The following ADGRB2 variants were observed in gnomAD, a reference collection of about 807,000 sequenced individuals.
The protein encoded by ADGRB2 is adhesion G protein-coupled receptor B2, also known as brain-specific angiogenesis inhibitor 2.
In ADGRB2, 47 loss-of-function variants were observed where a neutral mutation model predicts 178.7. The ratio of observed to expected loss-of-function variants is 0.26; its 90% CI spans 0.21 to 0.34. The LOEUF (loss-of-function observed/expected upper bound fraction) is 0.34, where lower values mean the gene tolerates loss of function less well. ADGRB2 is among the 10% of genes least tolerant of loss of function. The probability of loss-of-function intolerance (pLI) is 1.00; values close to 1 mark genes in which losing one functional copy is unlikely to be tolerated. For synonymous variants in ADGRB2, 870 were observed against 912.4 expected (o/e 0.95, Z 0.84); for missense variants, 1,584 against 2,180.8 (o/e 0.73, Z 5.45).
chr1:31,744,636 G>T lies in ADGRB2; in HGVS notation c.922+12C>A. ...CCCCCGCCGCAGAGGAAGGGAGGCG[G>T]GCCCGAGTTACCTGTCTGCGCCATG... is the stretch of plus-strand genomic sequence containing the variant. On this transcript the variant is annotated intron_variant, in intron 5 of 32. Coordinates refer to ENST00000373658, the MANE Select transcript of ADGRB2 (RefSeq NM_001364857.2). This position sits in a 1 kb window ranked among gnomAD's most constrained non-coding sequence, Gnocchi z 6.7. 1 of 1,613,738 alleles carries T rather than the reference G, an allele frequency of 6.2e-7. No individual in the cohort carries two copies. The highest frequency in any genetic ancestry group is 8.5e-7 in the Non-Finnish European group (1 of 1,179,840).
At position 31,761,864 on chromosome 1, in the gene ADGRB2, G is replaced by C. The variant is rs1203355307; in HGVS notation, c.-191+2020C>G. ...CCCCTATCAATATTGAGCATTGCTA[G>C]GTGCCAGACACTCTATACAAACAAC... On this transcript the variant is annotated intron_variant, in intron 1 of 32. Transcript: ENST00000373658. The surrounding 1 kb of genome is among the most constrained non-coding windows in gnomAD (Gnocchi z 4.2). 6.6e-6 allele frequency among the ~76,000 whole-genome samples: 1 copy of C among 152,072 alleles called. No individual in the cohort carries two copies. Among genetic ancestry groups the C allele is most frequent in the Non-Finnish European group, 1.5e-5 (1 of 68,000 alleles).
rs1156692527 is a variant in ADGRB2 at position 31,759,288 on chromosome 1, G to A, written c.-190-1777C>T. ...AGGCTTACACTTGTACACATGCACAGAGGTGCACACGCATTCTCGACTGAG... is the reference window on the plus strand; with the variant it reads ...AGGCTTACACTTGTACACATGCACAAAGGTGCACACGCATTCTCGACTGAG... On this transcript the variant is annotated intron_variant, in intron 1 of 32. Transcript: ENST00000373658. This position sits in a 1 kb window ranked among gnomAD's most constrained non-coding sequence, Gnocchi z 4.3. The A allele has an allele frequency of 1.3e-6, 1 of 779,616 alleles. No homozygotes were observed. Among genetic ancestry groups the A allele is most frequent in the South Asian group, 1.3e-5 (1 of 74,612 alleles). 48.3% of individuals were successfully genotyped at this position (779,616 alleles called of 1,614,324 possible).
At position 31,740,306 on chromosome 1, in the gene ADGRB2, G is replaced by T. The variant is rs551140411; in HGVS notation, c.1989+41C>A. 7.5e-6 allele frequency: 12 copies of T among 1,605,276 alleles called. No individual in the cohort carries two copies. In the African/African-American group the frequency reaches 1.6e-4, roughly 21 times the overall value. ...GGGCCTGGCCTCCCGCTTCAGTTTG[G>T]GCCTTCTCCACCCTCCGCCCTCCTT... On this transcript the variant is annotated intron_variant, in intron 12 of 32. Transcript: ENST00000373658. This position sits in a 1 kb window ranked among gnomAD's most constrained non-coding sequence, Gnocchi z 5.9.
rs779429378 is a variant in ADGRB2 at position 31,754,673 on chromosome 1, C to T, written c.838+1326G>A. 9.8e-5 allele frequency among the ~76,000 whole-genome samples: 15 copies of T among 152,296 alleles called. No individual in the cohort carries two copies. Among genetic ancestry groups the T allele is most frequent in the South Asian group, 2.1e-4 (1 of 4,826 alleles). ...ACCGGGCACTTGCCGTGGATGGGCA[C>T]GATGTCAGATGTCTCATTGGAGAAG... On this transcript the variant is annotated intron_variant, in intron 4 of 32. Transcript: ENST00000373658. The surrounding 1 kb of genome is among the most constrained non-coding windows in gnomAD (Gnocchi z 5.7).
chr1:31,735,160 GC>G lies in ADGRB2; in HGVS notation c.3452+22del. ...TTCCTTTGCCCCACCCACCCCCACC[GC>G]CCCCCAGGGGGCACGACTAACATGG... On this transcript the variant is annotated intron_variant, in intron 25 of 32. Transcript: ENST00000373658. This position sits in a 1 kb window ranked among gnomAD's most constrained non-coding sequence, Gnocchi z 6.0. The G allele has an allele frequency of 1.3e-5, 4 of 314,512 alleles. No individual in the cohort carries two copies. Among genetic ancestry groups the G allele is most frequent in the South Asian group, 1.1e-4 (1 of 9,490 alleles). The allele number at this position is 314,512 out of a possible 1,614,324, so 19.5% of individuals were successfully genotyped here. A position where few individuals can be genotyped will look rare whatever the true frequency, so the allele number is the denominator to read the frequency against.
intron 4 of ADGRB2, among the ~76,000 whole-genome samples, chr1:31,751,274 G>A (rs945993732): frequency 2.0e-5 from 3 of 152,186 alleles, no homozygotes; most frequent in Non-Finnish European, 2.9e-5. Flanking sequence ...GATGACTTGG[G>A]GCGGCTCACA....
chr1:31,732,017 C>T, intron 28 of ADGRB2, 98 bp downstream of exon 28: 1 of 1,499,704 alleles, frequency 6.7e-7, no homozygotes, highest in African/African-American at 1.4e-5. Context: ...TGGACTCCAG[C>T]AGCCAGAACT....
In ADGRB2 at chr1:31,736,700, G is replaced by A. The variant is rs748964870; in HGVS notation, c.3003C>T (p.Ala1001=). The change falls in exon 21 of 33, where the codon GCC becomes GCT. Residue 1001 remains alanine (A), a synonymous_variant. Coordinates refer to ENST00000373658, the MANE Select transcript of ADGRB2 (RefSeq NM_001364857.2). ...LSKGVCTMTA[A]FLHFFFLSSF... is the part of the protein sequence containing the mutation. ...AGGAGAGAAAGAAGAAGTGCAGGAA[G>A]GCAGCCGTCATGGTGCACACGCCCT... 12 of 1,613,888 alleles carry A rather than the reference G, an allele frequency of 7.4e-6. No individual in the cohort carries two copies.
intron 4 of ADGRB2, among the ~76,000 whole-genome samples, chr1:31,752,702 G>A (rs1211885689): frequency 2.0e-5 from 3 of 152,162 alleles, no homozygotes; most frequent in Admixed American, 6.5e-5. Flanking sequence ...GCTAGGTCCC[G>A]GGTGGGGCTT....
chr1:31,731,310 C>T lies in ADGRB2; in HGVS notation c.3870G>A (p.Glu1290=). The T allele has an allele frequency of 1.2e-6, 2 of 1,612,610 alleles. No individual in the cohort carries two copies. The highest frequency in any genetic ancestry group is 1.7e-6 in the Non-Finnish European group (2 of 1,179,810). ...EEPKSCLVGP[E]GSLSFSPLPG... ...GCAGTGGTGAGAAGCTGAGGCTGCC[C>T]TCAGGGCCCACGAGGCAGGACTTGG... Residue 1290 remains glutamate (E), a synonymous_variant, in exon 29 of 33, where the codon GAG becomes GAA. Transcript: ENST00000373658.
chr1:31,746,196 G>A (rs1646263685), intron 4 of ADGRB2, among the ~76,000 whole-genome samples: 1 of 152,098 alleles, frequency 6.6e-6, no homozygotes. Context: ...CCCCCTGCCA[G>A]GAGGGCCTTG....
rs1325622749 is a variant in ADGRB2 at position 31,740,368 on chromosome 1, C to T, written c.1968G>A (p.Val656=). 5.0e-6 allele frequency: 8 copies of T among 1,612,930 alleles called. No individual in the cohort carries two copies. The highest frequency in any genetic ancestry group is 6.8e-6 in the Non-Finnish European group (8 of 1,179,376). Residue 656 remains valine, a synonymous_variant, in exon 12 of 33, where the codon GTG becomes GTA. Transcript: ENST00000373658. The surrounding 1 kb of genome is among the most constrained non-coding windows in gnomAD (Gnocchi z 5.9). ...VTDTFKRATY[V]PSADDVQRFF... ...GTACCTGCACATCATCAGCCGAGGG[C>T]ACGTAGGTGGCCCTCTTAAAGGTGT...
At position 31,761,279 on chromosome 1, in the gene ADGRB2, C is replaced by T. The variant is rs1449263220; in HGVS notation, c.-191+2605G>A. On this transcript the variant is annotated intron_variant, in intron 1 of 32. Transcript: ENST00000373658. This position sits in a 1 kb window ranked among gnomAD's most constrained non-coding sequence, Gnocchi z 4.2. ...CTTCCTCCGTGCCACCTTCCCTGCC[C>T]CCAAGCTACTCAGGCCAAAGCCAGG... Among the ~76,000 whole-genome samples the T allele has an allele frequency of 6.6e-6, 1 of 152,224 alleles. No homozygotes were observed. The highest frequency in any genetic ancestry group is 1.5e-5 in the Non-Finnish European group (1 of 68,028).
chr1:31,758,067 A>G lies in ADGRB2; in HGVS notation c.-190-556T>C, dbSNP rs1431792679. Among the ~76,000 whole-genome samples, 1 of 152,026 alleles carries G rather than the reference A, an allele frequency of 6.6e-6. No homozygotes were observed. Among genetic ancestry groups the G allele is most frequent in the Non-Finnish European group, 1.5e-5 (1 of 67,980 alleles). On this transcript the variant is annotated intron_variant, in intron 1 of 32. Transcript: ENST00000373658. The surrounding 1 kb of genome is among the most constrained non-coding windows in gnomAD (Gnocchi z 4.2). The stretch of plus-strand genomic sequence containing the variant: ...CCACAGCCTGCGCAACCTCTACCCA[A>G]CTGCCCAGAAAATGGAACCTAGCGC...
Position 31,740,562 on chromosome 1 carries a change from A to C in ADGRB2, c.1795-21T>G. The C allele has an allele frequency of 2.5e-6, 4 of 1,570,330 alleles. No individual in the cohort carries two copies. The highest frequency in any genetic ancestry group is 3.5e-6 in the Non-Finnish European group (4 of 1,156,958). ...CTAAGCTGTAGGTGATGAGGGGGCC[A>C]CAGTCACTGAAGTGTCAGGAGCTGG... On this transcript the variant is annotated intron_variant, in intron 11 of 32. Coordinates refer to ENST00000373658, the MANE Select transcript of ADGRB2 (RefSeq NM_001364857.2). The surrounding 1 kb of genome is among the most constrained non-coding windows in gnomAD (Gnocchi z 5.9).
In ADGRB2 at chr1:31,727,771, C is replaced by T; in HGVS notation, c.4573-166G>A. On this transcript the variant is annotated intron_variant, in intron 32 of 32. Transcript: ENST00000373658. The surrounding 1 kb of genome is among the most constrained non-coding windows in gnomAD (Gnocchi z 4.4). ...AGACCTGCCTGGTTCCAGGGTGGGG[C>T]TCCTGACCCCTGTTCTCAGTGGCCC... 2 of 885,666 alleles carry T rather than the reference C, an allele frequency of 2.3e-6. No homozygotes were observed. The highest frequency in any genetic ancestry group is 3.3e-6 in the Non-Finnish European group (2 of 602,912). The allele number at this position is 885,666 out of a possible 1,614,324, so 54.9% of individuals were successfully genotyped here.
rs151311268 is a variant in ADGRB2, at chr1:31,727,447, C to A, written c.4731G>T (p.Pro1577=). Reference sequence around the variant, plus strand: ...ACACCTCTGTCTGGAAGTCACCATCCGGTGGTTCTGTGGGCTCCCAGGCTG... The same window carrying A: ...ACACCTCTGTCTGGAAGTCACCATCAGGTGGTTCTGTGGGCTCCCAGGCTG... ...RAAAWEPTEP[P]DGDFQTEV The change falls in exon 33 of 33, where the codon CCG becomes CCT. Residue 1577 remains proline (P), a synonymous_variant. Coordinates refer to ENST00000373658, the MANE Select transcript of ADGRB2 (RefSeq NM_001364857.2). The surrounding 1 kb of genome is among the most constrained non-coding windows in gnomAD (Gnocchi z 4.4). 3.8e-6 allele frequency: 6 copies of A among 1,587,998 alleles called. No homozygotes were observed. The highest frequency in any genetic ancestry group is 4.3e-6 in the Non-Finnish European group (5 of 1,172,568).
chr1:31,741,891 G>A lies in ADGRB2; in HGVS notation c.1494C>T (p.Arg498=). ...TGCCCGTGGCCTGGCACATGCGGAA[G>A]CGGCGCTGCCAGCCTGTGTCACACG... ...SKTCDTGWQR[R]FRMCQATGTQ... Residue 498 remains arginine, a synonymous_variant, in exon 9 of 33, where the codon CGC becomes CGT. Transcript: ENST00000373658. The surrounding 1 kb of genome is among the most constrained non-coding windows in gnomAD (Gnocchi z 6.5). 2 of 1,611,738 alleles carry A rather than the reference G, an allele frequency of 1.2e-6. No individual in the cohort carries two copies. Among genetic ancestry groups the A allele is most frequent in the Non-Finnish European group, 1.7e-6 (2 of 1,178,334 alleles).
At position 31,739,989 on chromosome 1, in the gene ADGRB2, T is replaced by G; in HGVS notation, c.2104A>C (p.Ile702Leu). The stretch of plus-strand genomic sequence containing the variant: ...TTGAGAGCATCGCCCACCAGGTGAA[T>G]GAAGTCCTCCACGACACGGAGCAGG... ...VHLLRVVEDFIHLVGDALKAF... is the reference protein window; with the variant it reads ...VHLLRVVEDFLHLVGDALKAF... The change falls in exon 14 of 33, where the codon ATT (isoleucine) becomes CTT (leucine). Residue 702 changes from isoleucine (I) to leucine (L), a missense_variant. By Grantham distance (5) the Ile-to-Leu change is conservative. Around this residue, in one of 3 missense-constraint regions of ADGRB2, gnomAD observed 62 missense variants for 140.3 expected, o/e 0.44. Coordinates refer to ENST00000373658, the MANE Select transcript of ADGRB2 (RefSeq NM_001364857.2). 6.2e-7 allele frequency: 1 copy of G among 1,614,090 alleles called. No individual in the cohort carries two copies. Among genetic ancestry groups the G allele is most frequent in the South Asian group, 1.1e-5 (1 of 91,078 alleles).
Sources: gnomAD v4.1 joint callset for allele counts (sites outside exome capture counted in the v4.1 genomes callset) on GRCh38, gnomAD v4.1.1 for gene constraint, gnomAD v4.1.1 regional missense constraint, Gnocchi (gnomAD v3.1) non-coding constraint, MANE v1.5 for transcripts, NCBI Gene and HGNC (gene_info 2026-07-23, HGNC 2026-07-21) for gene names.